EFCAB11: variants seen among roughly 807,000 people sequenced by gnomAD.
EFCAB11 encodes the protein EF-hand calcium-binding domain-containing protein 11.
EFCAB11 carries 14 observed loss-of-function variants against 23.0 expected under a neutral mutation model. That is an observed-to-expected ratio of 0.61 (90% CI 0.40 to 0.95). The LOEUF (loss-of-function observed/expected upper bound fraction) is 0.95, where lower values mean the gene tolerates loss of function less well. Among genes scored for constraint, EFCAB11 ranks in the 40% least tolerant of loss-of-function variants. The probability of loss-of-function intolerance (pLI) is 0.00; values close to 1 mark genes in which losing one functional copy is unlikely to be tolerated. For missense variants in EFCAB11, 198 were observed against 195.8 expected (o/e 1.01, Z -0.07); for synonymous variants, 65 against 66.6 (o/e 0.98, Z 0.11).
intron 5 of EFCAB11, among the ~76,000 whole-genome samples, chr14:89,853,944 T>A (rs750242412): frequency 7.2e-5 from 11 of 152,008 alleles, no homozygotes; most frequent in Non-Finnish European, 1.3e-4. Context: ...AAGCTACAAA[T>A]GAAAAAATGG....
upstream of EFCAB11, chr14:89,954,745 C>T: frequency 6.5e-7 from 1 of 1,534,048 alleles, no homozygotes; most frequent in South Asian, 1.2e-5. Context: ...CGGCCACGCC[C>T]ACCGCGGCTC....
At chr14:89,841,535 A>G (rs901467718) in intron 5 of EFCAB11, among the ~76,000 whole-genome samples, 1 of 151,858 alleles carries the variant, frequency 6.6e-6, no homozygotes, top group Admixed American at 6.6e-5. Flanking sequence ...GGAAGCAGTC[A>G]ATGACTCAAC....
intron 5 of EFCAB11, among the ~76,000 whole-genome samples, chr14:89,821,991 T>A (rs771621380): frequency 1.6e-4 from 25 of 152,344 alleles, no homozygotes; most frequent in Non-Finnish European, 2.8e-4. Context: ...ACATTACACA[T>A]GACATTTCCC....
chr14:89,922,844 T>G (rs1187831905), intron 5 of EFCAB11, among the ~76,000 whole-genome samples: 2 of 152,130 alleles, frequency 1.3e-5, no homozygotes, highest in Non-Finnish European at 2.9e-5. Context: ...GATTAGGAGT[T>G]TAAAGCAGAA....
intron 5 of EFCAB11, among the ~76,000 whole-genome samples, chr14:89,840,440 A>G (rs1014079477): frequency 6.6e-6 from 1 of 152,250 alleles, no homozygotes; most frequent in South Asian, 2.1e-4. Context: ...CATTTGCCTT[A>G]TCATTTCCTC....
intron 5 of EFCAB11, among the ~76,000 whole-genome samples, chr14:89,862,821 G>A (rs1887966978): frequency 6.6e-6 from 1 of 152,160 alleles, no homozygotes; most frequent in South Asian, 2.1e-4. Context: ...TTACCTCCTG[G>A]AGAAGGTAAG....
chr14:89,933,364 TATATAA>T (rs1184691763), intron 3 of EFCAB11, among the ~76,000 whole-genome samples: 1 of 152,204 alleles, frequency 6.6e-6, no homozygotes, highest in African/African-American at 2.4e-5. Flanking sequence ...GAGCTCTACA[TATATAA>T]AAAGAGTGGT....
chr14:89,888,591 T>G (rs767670409), intron 5 of EFCAB11, among the ~76,000 whole-genome samples: 1 of 152,184 alleles, frequency 6.6e-6, no homozygotes, highest in Non-Finnish European at 1.5e-5. Flanking sequence ...TTGAGGGATC[T>G]GTCCCCATGA....
rs572426063 is a variant in EFCAB11 at position 89,884,945 on chromosome 14, A to G, written c.410+46596T>C. On this transcript the variant is annotated intron_variant, in intron 5 of 5. Coordinates refer to ENST00000316738, the MANE Select transcript of EFCAB11 (RefSeq NM_145231.4). ...CCAGGCAGGCAGCCATCTGCAAGCC[A>G]GGAAGAGCCTCCTCACCAGAACCAG... 2.0e-5 allele frequency among the ~76,000 whole-genome samples: 3 copies of G among 152,374 alleles called. No homozygotes were observed. The South Asian group carries it at 6.2e-4, about 32-fold the overall frequency.
intron 5 of EFCAB11, among the ~76,000 whole-genome samples, chr14:89,804,074 C>T (rs17094672): frequency 0.87 from 132,233 of 152,252 alleles, 57,728 homozygotes; most frequent in Middle Eastern, 0.93. Context: ...TATGCAACCT[C>T]CTTTGACTCC....
chr14:89,883,291 G>T (rs918374283), intron 5 of EFCAB11, among the ~76,000 whole-genome samples: 8 of 152,134 alleles, frequency 5.3e-5, no homozygotes, highest in Admixed American at 6.5e-5. Flanking sequence ...GTAGTTTCTT[G>T]AAAATTTGTT....
intron 5 of EFCAB11, among the ~76,000 whole-genome samples, chr14:89,909,535 C>A (rs575018815): frequency 6.6e-6 from 1 of 152,076 alleles, no homozygotes; most frequent in Admixed American, 6.5e-5. Flanking sequence ...GAGCTGAGAT[C>A]GCGCCATTGC....
chr14:89,842,492 T>G (rs1887298181), intron 5 of EFCAB11, among the ~76,000 whole-genome samples: 1 of 152,128 alleles, frequency 6.6e-6, no homozygotes, highest in Admixed American at 6.5e-5. Flanking sequence ...GAAGAATCAC[T>G]TGAACCCAGG....
chr14:89,858,729 G>A (rs541735220), intron 5 of EFCAB11, among the ~76,000 whole-genome samples: 10 of 144,502 alleles, frequency 6.9e-5, no homozygotes, highest in African/African-American at 2.6e-4. Flanking sequence ...CCAACTTCTG[G>A]GCTCAAGCGA....
chr14:89,954,760 A>T (rs1014888588), upstream of EFCAB11: 14 of 1,512,988 alleles, frequency 9.3e-6, no homozygotes, highest in African/African-American at 6.9e-5. Flanking sequence ...CGGCTCAGGA[A>T]GCCGAACTTC....
At chr14:89,915,435 C>T (rs1566809174) in intron 5 of EFCAB11, among the ~76,000 whole-genome samples, 1 of 152,198 alleles carries the variant, frequency 6.6e-6, no homozygotes, top group African/African-American at 2.4e-5. Flanking sequence ...CAATCAGTTT[C>T]TTAGCAGAGT....
chr14:89,928,077 T>C (rs529568159), intron 5 of EFCAB11, among the ~76,000 whole-genome samples: 121 of 152,276 alleles, frequency 7.9e-4, no homozygotes, highest in Non-Finnish European at 1.5e-3. Context: ...AAAATACAGT[T>C]GAGAGTTTAA....
intron 3 of EFCAB11, among the ~76,000 whole-genome samples, chr14:89,938,968 A>T (rs1213459828): frequency 1.4e-5 from 2 of 142,064 alleles, no homozygotes; most frequent in East Asian, 3.9e-4. Flanking sequence ...AACAACAACA[A>T]AGCAAAAAAA....
chr14:89,809,800 C>T (rs1397197263), intron 5 of EFCAB11, among the ~76,000 whole-genome samples: 1 of 152,104 alleles, frequency 6.6e-6, no homozygotes, highest in Non-Finnish European at 1.5e-5. Flanking sequence ...TCCCTCCCCC[C>T]GTCAATGGCG....
Sources: gnomAD v4.1 joint callset for allele counts (sites outside exome capture counted in the v4.1 genomes callset) on GRCh38, gnomAD v4.1.1 for gene constraint, MANE v1.5 for transcripts, NCBI Gene and HGNC (gene_info 2026-07-23, HGNC 2026-07-21) for gene names.